Variants in CDH9 observed in about 807,000 individuals in gnomAD.
The protein encoded by CDH9 is cadherin 9.
In CDH9, 28 loss-of-function variants were observed where a neutral mutation model predicts 70.9. The observed-to-expected ratio is 0.40, with a 90% confidence interval of 0.29 to 0.54. CDH9 has a LOEUF of 0.54. Among genes scored for constraint, CDH9 ranks in the 20% least tolerant of loss-of-function variants. CDH9 has a pLI of 0.59. For synonymous variants in CDH9, 409 were observed against 343.1 expected (o/e 1.19, Z -2.12); for missense variants, 874 against 984.4 (o/e 0.89, Z 1.50).
intron 8 of CDH9, among the ~76,000 whole-genome samples, 189 bp downstream of exon 8, chr5:26,890,239 T>C (rs1187155429): frequency 1.3e-5 from 2 of 152,128 alleles, no homozygotes; most frequent in Non-Finnish European, 2.9e-5. Flanking sequence ...TAAAAGAAAA[T>C]CAAATTTGAA....
chr5:26,902,327 C>G, intron 7 of CDH9, 149 bp downstream of exon 7: 1 of 603,488 alleles, frequency 1.7e-6, no homozygotes. Context: ...CATTGTGCAA[C>G]CATTTTTTCA....
chr5:27,026,676 GTGCTAA>G (rs1349790903), intron 1 of CDH9, among the ~76,000 whole-genome samples: 3 of 151,772 alleles, frequency 2.0e-5, no homozygotes, highest in African/African-American at 7.3e-5. Context: ...CAAACATTTG[GTGCTAA>G]TGCTTGACTA....
At chr5:26,948,257 G>A (rs766698715) in intron 2 of CDH9, among the ~76,000 whole-genome samples, 32 of 152,348 alleles carry the variant, frequency 2.1e-4, no homozygotes, top group Non-Finnish European at 2.5e-4. Context: ...TGCTAAGGCA[G>A]TGCCTCAGGC....
At chr5:26,894,655 G>T (rs1460225702) in intron 7 of CDH9, among the ~76,000 whole-genome samples, 1 of 152,024 alleles carries the variant, frequency 6.6e-6, no homozygotes, top group Admixed American at 6.6e-5. Flanking sequence ...AGCACATTCA[G>T]ATTTACTTAT....
At chr5:26,959,037 T>C (rs942459559) in intron 2 of CDH9, among the ~76,000 whole-genome samples, 1 of 152,010 alleles carries the variant, frequency 6.6e-6, no homozygotes, top group African/African-American at 2.4e-5. Flanking sequence ...CTATTGTACA[T>C]CAAAAGACAC....
At chr5:26,973,345 C>T (rs973154830) in intron 2 of CDH9, among the ~76,000 whole-genome samples, 31 of 152,086 alleles carry the variant, frequency 2.0e-4, no homozygotes, top group African/African-American at 7.5e-4. Context: ...GTCTGTTTAG[C>T]CTCTGGAAGG....
At chr5:26,885,553 C>A (rs1740549422) in intron 11 of CDH9, 61 bp downstream of exon 11, 1 of 1,400,840 alleles carries the variant, frequency 7.1e-7, no homozygotes, top group African/African-American at 1.4e-5. Flanking sequence ...GTGCACCATG[C>A]TCAGACAGTG....
chr5:26,956,387 C>T (rs1420873075), intron 2 of CDH9, among the ~76,000 whole-genome samples: 2 of 152,054 alleles, frequency 1.3e-5, no homozygotes, highest in Admixed American at 6.6e-5. Context: ...ATGTCTTTAT[C>T]AGCAGTGTGA....
In CDH9 at chr5:27,038,481, T is replaced by C. The variant is rs1316000651; in HGVS notation, c.-68A>G. 6.6e-6 allele frequency: 1 copy of C among 152,032 alleles called. No individual in the cohort carries two copies. The highest frequency in any genetic ancestry group is 2.4e-5 in the African/African-American group (1 of 41,430). The allele number at this position is 152,032 out of a possible 1,614,324, so 9.4% of individuals were successfully genotyped here. ...CACTTACCTTGCTTAACAATGGAAC[T>C]GAGTTTAGCCCTACTCCGCACTGAC... On this transcript the variant is annotated 5_prime_UTR_variant, in exon 1 of 12. Transcript: ENST00000231021.
At chr5:26,986,899 T>C (rs1286749289) in intron 2 of CDH9, among the ~76,000 whole-genome samples, 1 of 151,914 alleles carries the variant, frequency 6.6e-6, no homozygotes, top group East Asian at 1.9e-4. Flanking sequence ...GGAATGAGCA[T>C]GACCTATGGA....
chr5:26,940,946 A>G, intron 2 of CDH9, among the ~76,000 whole-genome samples: 1 of 152,248 alleles, frequency 6.6e-6, no homozygotes, highest in African/African-American at 2.4e-5. Context: ...AAACTTATCC[A>G]GGCTGAAGCC....
At chr5:26,986,795 G>C (rs910165885) in intron 2 of CDH9, among the ~76,000 whole-genome samples, 2 of 152,000 alleles carry the variant, frequency 1.3e-5, no homozygotes, top group Non-Finnish European at 2.9e-5. Context: ...AGTGTGAAAA[G>C]TGATGTTAAA....
In CDH9 at chr5:26,983,250, G is replaced by C. The variant is rs534512968; in HGVS notation, c.228+4856C>G. Among the ~76,000 whole-genome samples, 4 of 152,178 alleles carry C rather than the reference G, an allele frequency of 2.6e-5. No individual in the cohort carries two copies. In the East Asian group the frequency reaches 7.7e-4, roughly 29 times the overall value. ...CTAGAACTCAGGTTACAAAGTTATG[G>C]GGACATAGAACATAGGCTGGAATTT... is the stretch of plus-strand genomic sequence containing the variant. On this transcript the variant is annotated intron_variant, in intron 2 of 11. Transcript: ENST00000231021.
At chr5:26,966,855 C>T (rs562310936) in intron 2 of CDH9, among the ~76,000 whole-genome samples, 1 of 152,222 alleles carries the variant, frequency 6.6e-6, no homozygotes, top group East Asian at 1.9e-4. Context: ...AGTCTATCTT[C>T]TATTGACTTG....
intron 3 of CDH9, among the ~76,000 whole-genome samples, chr5:26,914,981 T>G (rs1276416064): frequency 1.3e-5 from 2 of 151,994 alleles, no homozygotes; most frequent in Non-Finnish European, 2.9e-5. Flanking sequence ...AAGTGGTATC[T>G]AAAATGGTGG....
At chr5:26,950,553 C>G (rs1741827602) in intron 2 of CDH9, among the ~76,000 whole-genome samples, 1 of 152,158 alleles carries the variant, frequency 6.6e-6, no homozygotes, top group African/African-American at 2.4e-5. Flanking sequence ...ATTCTTCTGA[C>G]TTTTTGATAT....
chr5:26,906,652 T>C, intron 4 of CDH9, 67 bp downstream of exon 4: 1 of 1,535,332 alleles, frequency 6.5e-7, no homozygotes, highest in Non-Finnish European at 8.8e-7. Flanking sequence ...ATTTTAAAAA[T>C]CTCTAAATTA....
intron 1 of CDH9, among the ~76,000 whole-genome samples, chr5:26,991,802 A>C (rs1027237997): frequency 2.0e-5 from 3 of 152,170 alleles, no homozygotes; most frequent in Non-Finnish European, 4.4e-5. Context: ...CTTGAGTGTC[A>C]TTTATATCAG....
At chr5:26,973,018 C>G (rs1216554678) in intron 2 of CDH9, among the ~76,000 whole-genome samples, 1 of 152,054 alleles carries the variant, frequency 6.6e-6, no homozygotes, top group African/African-American at 2.4e-5. Flanking sequence ...CGTGTGCTAC[C>G]ACACTCGGCT....
Sources: gnomAD v4.1 joint callset for allele counts (sites outside exome capture counted in the v4.1 genomes callset) on GRCh38, gnomAD v4.1.1 for gene constraint, MANE v1.5 for transcripts, NCBI Gene and HGNC (gene_info 2026-07-23, HGNC 2026-07-21) for gene names.